The following SHISA9 variants were observed in gnomAD, a reference collection of about 807,000 sequenced individuals.
The protein encoded by SHISA9 is shisa family member 9.
Under a neutral mutation model 38.0 loss-of-function variants are expected in SHISA9, and 13 were observed. The ratio of observed to expected loss-of-function variants is 0.34; its 90% CI spans 0.22 to 0.54. The LOEUF is 0.54. Ranked by LOEUF, SHISA9 falls within the 20% of genes least tolerant of loss-of-function variation. SHISA9 has a pLI of 0.91. For missense variants in SHISA9, 538 were observed against 575.8 expected (o/e 0.93, Z 0.67); for synonymous variants, 275 against 242.0 (o/e 1.14, Z -1.27).
intron 2 of SHISA9, among the ~76,000 whole-genome samples, chr16:13,144,542 A>G (rs1242340043): frequency 6.6e-6 from 1 of 152,120 alleles, no homozygotes; most frequent in Non-Finnish European, 1.5e-5. Context: ...GTTCTTTGGG[A>G]TCACCTCACT....
At chr16:13,560,916 T>A in the SHISA9 span, among the ~76,000 whole-genome samples, 4 of 152,112 alleles carry the variant, frequency 2.6e-5, no homozygotes, top group African/African-American at 9.7e-5. Context: ...CAGGCTGGAG[T>A]GCAGTGGCAC....
intron 2 of SHISA9, among the ~76,000 whole-genome samples, chr16:13,177,262 C>T (rs936844433): frequency 6.6e-6 from 1 of 152,170 alleles, no homozygotes; most frequent in African/African-American, 2.4e-5. Flanking sequence ...ATTCTTCATA[C>T]CTTCTGGACC....
the SHISA9 span, among the ~76,000 whole-genome samples, chr16:13,257,203 T>G: frequency 3.3e-5 from 5 of 152,338 alleles, no homozygotes; most frequent in African/African-American, 1.2e-4. Flanking sequence ...CAGGACAAGC[T>G]TTTCTTTCTA....
chr16:13,516,873 T>G, the SHISA9 span, among the ~76,000 whole-genome samples: 1 of 151,922 alleles, frequency 6.6e-6, no homozygotes, highest in African/African-American at 2.4e-5. Context: ...TTTAGTTCAA[T>G]AAATGCATGC....
the SHISA9 span, among the ~76,000 whole-genome samples, chr16:13,362,542 G>C: frequency 7.9e-5 from 12 of 152,334 alleles, no homozygotes; most frequent in African/African-American, 2.6e-4. Context: ...ACTGGACTTT[G>C]AAGGATGAAG....
intron 4 of SHISA9, among the ~76,000 whole-genome samples, chr16:13,214,342 C>T (rs931234328): frequency 3.3e-5 from 5 of 152,142 alleles, no homozygotes; most frequent in Admixed American, 3.3e-4. Flanking sequence ...GCTGGGATTA[C>T]AGGCACATGC....
chr16:13,430,744 C>CA, the SHISA9 span, among the ~76,000 whole-genome samples: 1,561 of 143,716 alleles, frequency 0.011, 18 homozygotes, highest in African/African-American at 0.037. Context: ...CATCTCTAAA[C>CA]AAAAAAAAAA....
At chr16:13,329,298 C>A in the SHISA9 span, among the ~76,000 whole-genome samples, 2 of 152,118 alleles carry the variant, frequency 1.3e-5, no homozygotes, top group Non-Finnish European at 2.9e-5. Flanking sequence ...CTTTCTCTTT[C>A]TTCTATTAAA....
the SHISA9 span, among the ~76,000 whole-genome samples, chr16:13,268,347 A>G: frequency 4.6e-5 from 7 of 152,120 alleles, no homozygotes; most frequent in Non-Finnish European, 1.0e-4. Context: ...CTGACTTTCC[A>G]AAATATACAA....
chr16:12,941,680 C>A (rs1233712570), intron 2 of SHISA9, among the ~76,000 whole-genome samples: 2 of 152,152 alleles, frequency 1.3e-5, no homozygotes, highest in Admixed American at 1.3e-4. Flanking sequence ...TGGTGAAACC[C>A]CATCTCTACT....
At chr16:13,069,173 A>G (rs992474602) in intron 2 of SHISA9, among the ~76,000 whole-genome samples, 1 of 145,158 alleles carries the variant, frequency 6.9e-6, no homozygotes, top group African/African-American at 2.8e-5. Flanking sequence ...ATGTGTGTAC[A>G]TGCAATGTGT....
chr16:13,386,161 C>G, the SHISA9 span, among the ~76,000 whole-genome samples: 124 of 152,196 alleles, frequency 8.1e-4, 1 homozygote, highest in Non-Finnish European at 1.8e-4. Context: ...ATCTGAAGAT[C>G]AGTAGATTAT....
chr16:13,217,076 C>T (rs1184693798), intron 4 of SHISA9, among the ~76,000 whole-genome samples: 4 of 151,652 alleles, frequency 2.6e-5, no homozygotes, highest in African/African-American at 9.7e-5. Context: ...TCGAGACCAT[C>T]CTGGCTAACA....
intron 2 of SHISA9, among the ~76,000 whole-genome samples, chr16:12,958,989 A>G (rs12925366): frequency 0.19 from 29,317 of 152,226 alleles, 3,474 homozygotes; most frequent in Middle Eastern, 0.35. Context: ...GGCAATGGGT[A>G]TGATGACACA....
the SHISA9 span, among the ~76,000 whole-genome samples, chr16:13,503,078 G>T: frequency 1.3e-5 from 2 of 152,122 alleles, no homozygotes; most frequent in Non-Finnish European, 2.9e-5. Context: ...GGATATTTAA[G>T]CCAGAAGGAT....
rs76021879 is a variant in SHISA9, at chr16:13,095,817, A to G, written c.692-107577A>G. On this transcript the variant is annotated intron_variant, in intron 2 of 4. Transcript: ENST00000558583. ...CAGCAAGGCAATCAACTCTAGCGCAATGGCTCTCAAACTTGAGCGAGCATG... is the reference window on the plus strand; with the variant it reads ...CAGCAAGGCAATCAACTCTAGCGCAGTGGCTCTCAAACTTGAGCGAGCATG... 7.1e-3 allele frequency among the ~76,000 whole-genome samples: 1,089 copies of G among 152,372 alleles called. 47 individuals are homozygous for G. In the East Asian group the frequency reaches 0.089, roughly 12 times the overall value.
In SHISA9 at chr16:13,128,922, C is replaced by T. The variant is rs183260393; in HGVS notation, c.692-74472C>T. 1.3e-3 allele frequency among the ~76,000 whole-genome samples: 201 copies of T among 152,300 alleles called. 2 individuals carry two copies. The highest frequency in any genetic ancestry group is 4.7e-3 in the African/African-American group (195 of 41,570). ...TGTGCTTGTTCATGTGCAAATCCAC[C>T]TCTGTGGGGATAATAGAATTAATAT... On this transcript the variant is annotated intron_variant, in intron 2 of 4. Coordinates refer to ENST00000558583, the MANE Select transcript of SHISA9 (RefSeq NM_001145204.3).
chr16:13,382,229 G>A, the SHISA9 span, among the ~76,000 whole-genome samples: 1 of 152,138 alleles, frequency 6.6e-6, no homozygotes, highest in African/African-American at 2.4e-5. Context: ...ATATATTGCA[G>A]TAAGAATATT....
intron 2 of SHISA9, among the ~76,000 whole-genome samples, chr16:13,183,532 C>G (rs2050794837): frequency 6.6e-6 from 1 of 152,218 alleles, no homozygotes; most frequent in Admixed American, 6.5e-5. Context: ...CTTGTAGTTT[C>G]TTTGGACAGA....
Sources: gnomAD v4.1 joint callset for allele counts (sites outside exome capture counted in the v4.1 genomes callset) on GRCh38, gnomAD v4.1.1 for gene constraint, MANE v1.5 for transcripts, NCBI Gene and HGNC (gene_info 2026-07-23, HGNC 2026-07-21) for gene names.